Variants in BLOC1S5 observed in about 807,000 individuals in gnomAD.
BLOC1S5 encodes the protein biogenesis of lysosome-related organelles complex 1 subunit 5.
A neutral mutation model predicts 24.3 loss-of-function variants in BLOC1S5; 27 were observed. That is an observed-to-expected ratio of 1.11 (90% CI 0.82 to 1.53). The LOEUF (loss-of-function observed/expected upper bound fraction) is 1.53, where lower values mean the gene tolerates loss of function less well. Ranked by LOEUF, BLOC1S5 falls within the 40% of genes most tolerant of loss-of-function variation. The pLI is 0.00. For missense variants in BLOC1S5, 239 were observed against 229.4 expected (o/e 1.04, Z -0.27); for synonymous variants, 84 against 74.5 (o/e 1.13, Z -0.66).
intron 4 of BLOC1S5, among the ~76,000 whole-genome samples, chr6:8,017,064 A>T (rs1762766783): frequency 6.6e-6 from 1 of 152,116 alleles, no homozygotes; most frequent in African/African-American, 2.4e-5. Context: ...CTGTATAAAT[A>T]AAAAAGGTAT....
intron 2 of BLOC1S5, among the ~76,000 whole-genome samples, chr6:8,043,239 G>T (rs12194156): frequency 0.16 from 23,714 of 152,028 alleles, 1,925 homozygotes; most frequent in Admixed American, 0.19. Flanking sequence ...TGCTTTCAAA[G>T]AATAGAACAG....
At chr6:8,019,401 T>A (rs1314498313) in intron 4 of BLOC1S5, among the ~76,000 whole-genome samples, 1 of 151,990 alleles carries the variant, frequency 6.6e-6, no homozygotes, top group African/African-American at 2.4e-5. Flanking sequence ...CTCAAGTAGC[T>A]GGGATTACAG....
intron 3 of BLOC1S5, among the ~76,000 whole-genome samples, chr6:8,032,490 G>A (rs370312820): frequency 6.6e-6 from 1 of 151,980 alleles, no homozygotes; most frequent in African/African-American, 2.4e-5. Context: ...AATAATAAGA[G>A]CTATTTATGA....
intron 1 of BLOC1S5, 141 bp downstream of exon 1, chr6:8,064,124 G>A (rs374089417): frequency 9.8e-6 from 6 of 613,562 alleles, no homozygotes; most frequent in South Asian, 2.3e-5. Context: ...AAAAAGGCGG[G>A]GACCGACCAC....
At chr6:8,033,305 C>A (rs143505201) in intron 3 of BLOC1S5, among the ~76,000 whole-genome samples, 2 of 151,888 alleles carry the variant, frequency 1.3e-5, no homozygotes, top group Admixed American at 6.6e-5. Context: ...ACAGGACAGA[C>A]GCCTCAGAAA....
intron 2 of BLOC1S5, among the ~76,000 whole-genome samples, chr6:8,061,168 C>G (rs918983771): frequency 6.6e-6 from 1 of 152,090 alleles, no homozygotes; most frequent in East Asian, 1.9e-4. Flanking sequence ...CTTTACACAG[C>G]ACGGTAAAGG....
intron 4 of BLOC1S5, among the ~76,000 whole-genome samples, chr6:8,025,914 T>C (rs1410691225): frequency 6.6e-6 from 1 of 152,202 alleles, no homozygotes; most frequent in East Asian, 1.9e-4. Context: ...TAACATATAA[T>C]TCAAATAAGC....
At chr6:8,046,985 T>C (rs1182975541) in intron 2 of BLOC1S5, among the ~76,000 whole-genome samples, 1 of 152,000 alleles carries the variant, frequency 6.6e-6, no homozygotes, top group Admixed American at 6.6e-5. Flanking sequence ...GCTCTCACTT[T>C]GTTGTCCAGG....
chr6:8,034,476 C>T (rs1372699000), intron 3 of BLOC1S5, among the ~76,000 whole-genome samples: 2 of 152,060 alleles, frequency 1.3e-5, no homozygotes, highest in East Asian at 1.9e-4. Flanking sequence ...TGGGGCCTGT[C>T]GGCGGGTGGA....
intron 2 of BLOC1S5, among the ~76,000 whole-genome samples, chr6:8,046,311 A>G (rs1202754127): frequency 6.6e-6 from 1 of 152,056 alleles, no homozygotes; most frequent in Non-Finnish European, 1.5e-5. Context: ...GTCCAATTAC[A>G]CCTCTTTTTC....
intron 2 of BLOC1S5, among the ~76,000 whole-genome samples, chr6:8,046,825 G>T (rs1763915811): frequency 6.6e-6 from 1 of 152,012 alleles, no homozygotes; most frequent in South Asian, 2.1e-4. Flanking sequence ...ACTACTGCTG[G>T]AGTGCAGTGG....
intron 4 of BLOC1S5, among the ~76,000 whole-genome samples, chr6:8,019,370 G>A (rs925623760): frequency 1.3e-4 from 20 of 151,028 alleles, no homozygotes; most frequent in African/African-American, 4.6e-4. Context: ...CCGGGTTCAA[G>A]CAATTCTCAT....
At chr6:8,022,129 G>A (rs1368658763) in intron 4 of BLOC1S5, among the ~76,000 whole-genome samples, 1 of 151,664 alleles carries the variant, frequency 6.6e-6, no homozygotes, top group Non-Finnish European at 1.5e-5. Flanking sequence ...CTTCTGCAGA[G>A]ATTCGTCTAA....
rs868808334 is a variant in BLOC1S5 at position 8,063,804 on chromosome 6, T to C, written c.112+461A>G. On this transcript the variant is annotated intron_variant, in intron 1 of 4. Transcript: ENST00000397457. ...TCTGAACGTGAATGGTTCTTTACAGTGCTATAGAGCGCCTTCGTAAGTGTA... is the reference window on the plus strand; with the variant it reads ...TCTGAACGTGAATGGTTCTTTACAGCGCTATAGAGCGCCTTCGTAAGTGTA... Among the ~76,000 whole-genome samples, 10 of 152,224 alleles carry C rather than the reference T, an allele frequency of 6.6e-5. No homozygotes were observed. In the Middle Eastern group the frequency reaches 0.01, roughly 155 times the overall value.
At position 8,064,253 on chromosome 6, in the gene BLOC1S5, G is replaced by C. The variant is rs2113617680; in HGVS notation, c.112+12C>G. On this transcript the variant is annotated intron_variant, in intron 1 of 4. Transcript: ENST00000397457. ...GGGATCCACCAGGAACTATAGCCCT[G>C]ACACTCCGTACCCTTGATAATGAGG... is the stretch of plus-strand genomic sequence containing the variant. The C allele has an allele frequency of 6.2e-7, 1 of 1,608,308 alleles. No individual in the cohort carries two copies. The highest frequency in any genetic ancestry group is 1.7e-4 in the Middle Eastern group (1 of 6,046).
At chr6:8,063,221 C>G (rs2815152) in intron 1 of BLOC1S5, among the ~76,000 whole-genome samples, 133,422 of 152,176 alleles carry the variant, frequency 0.88, 58,764 homozygotes, top group East Asian at 1. Flanking sequence ...TACCTTGAGA[C>G]GAGGGAGGGG....
At chr6:8,033,791 AAAC>A (rs1763385708) in intron 3 of BLOC1S5, among the ~76,000 whole-genome samples, 1 of 141,072 alleles carries the variant, frequency 7.1e-6, no homozygotes. Flanking sequence ...AGAGAAAAAC[AAAC>A]AACGCCATCA....
At chr6:8,031,209 T>C (rs1177673550) in intron 3 of BLOC1S5, among the ~76,000 whole-genome samples, 1 of 152,200 alleles carries the variant, frequency 6.6e-6, no homozygotes, top group Non-Finnish European at 1.5e-5. Flanking sequence ...ACTGATGATA[T>C]TATCGTATAC....
intron 1 of BLOC1S5, 136 bp downstream of exon 1, chr6:8,064,129 G>T: frequency 1.6e-6 from 1 of 644,562 alleles, no homozygotes; most frequent in South Asian, 2.3e-5. Flanking sequence ...GGCGGGGACC[G>T]ACCACGACTC....
Sources: allele counts gnomAD v4.1 joint callset (sites outside exome capture counted in the v4.1 genomes callset), GRCh38; gene constraint gnomAD v4.1.1; transcripts MANE v1.5; gene names NCBI Gene and HGNC (gene_info 2026-07-23, HGNC 2026-07-21).